COL17A1: variants seen among roughly 807,000 people sequenced by gnomAD.
The protein encoded by COL17A1 is collagen type XVII alpha 1 chain, also known as collagen alpha-1(XVII) chain.
In COL17A1, 181 loss-of-function variants were observed where a neutral mutation model predicts 218.4. That is an observed-to-expected ratio of 0.83 (90% CI 0.73 to 0.94). COL17A1 has a LOEUF of 0.94. COL17A1 is among the 40% of genes least tolerant of loss of function. The probability of loss-of-function intolerance (pLI) is 0.00; values close to 1 mark genes in which losing one functional copy is unlikely to be tolerated. For synonymous variants in COL17A1, 721 were observed against 731.0 expected, an observed-to-expected ratio of 0.99 and a Z score of 0.22; for missense variants, 1,924 against 1,945.9, an observed-to-expected ratio of 0.99 and a Z score of 0.21.
intron 41 of COL17A1, 78 bp from the exon 42 acceptor site, chr10:104,039,718 T>C: frequency 6.3e-7 from 1 of 1,597,222 alleles, no homozygotes; most frequent in Non-Finnish European, 8.6e-7. Flanking sequence ...CTCCCCAAGA[T>C]CCATGATTGC....
At chr10:104,061,820 C>T (rs925956190) in intron 12 of COL17A1, among the ~76,000 whole-genome samples, 1 of 152,230 alleles carries the variant, frequency 6.6e-6, no homozygotes, top group Non-Finnish European at 1.5e-5. Flanking sequence ...CTTTCTCTTC[C>T]AATTAAGTAG....
chr10:104,057,280 G>C lies in COL17A1; in HGVS notation c.1268-108C>G, dbSNP rs1172095247. The stretch of plus-strand genomic sequence containing the variant: ...CTGGCCTGAGTGACTACGACTGGGG[G>C]CTTTCAAGTTCCTGTGCTGTTCCAC... On this transcript the variant is annotated intron_variant, in intron 16 of 55. Coordinates refer to ENST00000648076, the MANE Select transcript of COL17A1 (RefSeq NM_000494.4). The C allele has an allele frequency of 4.5e-6, 7 of 1,567,728 alleles. No individual in the cohort carries two copies. In the East Asian group the frequency reaches 1.6e-4, roughly 35 times the overall value.
At chr10:104,048,503 C>T (rs924729926) in intron 29 of COL17A1, among the ~76,000 whole-genome samples, 1 of 152,174 alleles carries the variant, frequency 6.6e-6, no homozygotes, top group African/African-American at 2.4e-5. Context: ...TTTGTCTTTC[C>T]CTGCTCGTGC....
intron 17 of COL17A1, 34 bp from the exon 18 acceptor site, chr10:104,056,037 G>A (rs1394996234): frequency 6.2e-7 from 1 of 1,612,914 alleles, no homozygotes. Flanking sequence ...CGTCACTGAG[G>A]GCCCGGTCCT....
chr10:104,059,805 C>A, intron 14 of COL17A1, 87 bp from the exon 15 acceptor site: 2 of 1,384,694 alleles, frequency 1.4e-6, no homozygotes, highest in Non-Finnish European at 2.0e-6. Flanking sequence ...TGCCCACTAC[C>A]CTGCTTGGGA....
intron 27 of COL17A1, 56 bp from the exon 28 acceptor site, chr10:104,050,180 T>G: frequency 4.3e-6 from 7 of 1,612,032 alleles, no homozygotes; most frequent in Non-Finnish European, 5.1e-6. Flanking sequence ...AGGAAAACAC[T>G]CTCACCCAGT....
intron 11 of COL17A1, 138 bp from the exon 12 acceptor site, chr10:104,062,467 A>C: frequency 1.8e-6 from 2 of 1,141,306 alleles, no homozygotes; most frequent in Non-Finnish European, 2.6e-6. Flanking sequence ...CGGTTCCCAC[A>C]CTCTTTGTAA....
At chr10:104,066,546 G>T (rs2086627814) in intron 9 of COL17A1, among the ~76,000 whole-genome samples, 1 of 152,050 alleles carries the variant, frequency 6.6e-6, no homozygotes. Context: ...TTAAATTAGT[G>T]AATTAACCCC....
rs185006296 is a variant in COL17A1 at position 104,062,419 on chromosome 10, A to G, written c.839-90T>C. The G allele has an allele frequency of 3.2e-6, 5 of 1,556,844 alleles. No homozygotes were observed. In the Admixed American group the frequency reaches 8.4e-5, roughly 26 times the overall value. ...GCCCCCAGAGTCCCAAACCACTTTC[A>G]TGATCAATGGTTTTGCCAACAGATT... On this transcript the variant is annotated intron_variant, in intron 11 of 55. Transcript: ENST00000648076.
chr10:104,057,296 G>T (rs1201586890), intron 16 of COL17A1, 124 bp from the exon 17 acceptor site: 1 of 1,474,676 alleles, frequency 6.8e-7, no homozygotes, highest in Non-Finnish European at 9.4e-7. Flanking sequence ...AAGTTCCTGT[G>T]CTGTTCCACC....
chr10:104,067,128 C>T (rs1329678172), intron 9 of COL17A1, among the ~76,000 whole-genome samples: 1 of 152,006 alleles, frequency 6.6e-6, no homozygotes, highest in Non-Finnish European at 1.5e-5. Flanking sequence ...GCAAGGAGTC[C>T]CGCCAGCTGA....
At chr10:104,061,949 A>G (rs1212087251) in intron 12 of COL17A1, among the ~76,000 whole-genome samples, 3 of 152,172 alleles carry the variant, frequency 2.0e-5, no homozygotes, top group Non-Finnish European at 4.4e-5. Context: ...ATTGATTTGC[A>G]GTGACAGTGG....
intron 8 of COL17A1, 81 bp downstream of exon 8, chr10:104,071,951 C>CGCAT: frequency 1.3e-6 from 2 of 1,570,580 alleles, no homozygotes; most frequent in Non-Finnish European, 1.8e-6. Context: ...CACACACACA[C>CGCAT]GCATGCACAC....
chr10:104,061,299 T>C (rs1589570898), intron 13 of COL17A1, 106 bp downstream of exon 13: 5 of 1,166,332 alleles, frequency 4.3e-6, no homozygotes, highest in Non-Finnish European at 6.1e-6. Flanking sequence ...TCCTATTTCC[T>C]CTTCCAGTAT....
chr10:104,034,599 G>T (rs761466525), intron 51 of COL17A1, 22 bp downstream of exon 51: 1 of 1,606,128 alleles, frequency 6.2e-7, no homozygotes, highest in South Asian at 1.1e-5. Flanking sequence ...GCCTGGTGGG[G>T]CATCACCGTC....
intron 13 of COL17A1, 69 bp downstream of exon 13, chr10:104,061,336 G>T: frequency 6.9e-7 from 1 of 1,445,444 alleles, no homozygotes; most frequent in Non-Finnish European, 9.6e-7. Context: ...GGATACACAG[G>T]CAGGATTACT....
intron 5 of COL17A1, among the ~76,000 whole-genome samples, chr10:104,075,075 T>C (rs1375912458): frequency 6.6e-6 from 1 of 152,148 alleles, no homozygotes; most frequent in African/African-American, 2.4e-5. Context: ...CTTCCTCCTC[T>C]CTCTGTTCTC....
At chr10:104,069,653 A>G (rs2086653950) in intron 9 of COL17A1, among the ~76,000 whole-genome samples, 1 of 151,964 alleles carries the variant, frequency 6.6e-6, no homozygotes, top group Non-Finnish European at 1.5e-5. Context: ...GAAACCAAAA[A>G]CCAGTTTTTA....
At chr10:104,035,215 G>T in intron 50 of COL17A1, 48 bp downstream of exon 50, 1 of 1,510,466 alleles carries the variant, frequency 6.6e-7, no homozygotes, top group Non-Finnish European at 9.1e-7. Flanking sequence ...AGCCCCCAAG[G>T]CCCGGCTGCA....
Sources: allele counts gnomAD v4.1 joint callset (sites outside exome capture counted in the v4.1 genomes callset), GRCh38; gene constraint gnomAD v4.1.1; transcripts MANE v1.5; gene names NCBI Gene and HGNC (gene_info 2026-07-23, HGNC 2026-07-21).